The following MYRF variants were observed in gnomAD, a reference collection of about 807,000 sequenced individuals.
The protein encoded by MYRF is myelin regulatory factor, also known as myelin gene regulatory factor.
A neutral mutation model predicts 126.3 loss-of-function variants in MYRF; 16 were observed. The ratio of observed to expected loss-of-function variants is 0.13; its 90% CI spans 0.09 to 0.19. The LOEUF (loss-of-function observed/expected upper bound fraction) is 0.19. MYRF is among the 10% of genes least tolerant of loss of function. The probability of loss-of-function intolerance (pLI) is 1.00; values close to 1 mark genes in which losing one functional copy is unlikely to be tolerated. For missense variants in MYRF, 1,104 were observed against 1,547.0 expected, an observed-to-expected ratio of 0.71 and a Z score of 4.80; for synonymous variants, 608 against 635.3, an observed-to-expected ratio of 0.96 and a Z score of 0.65.
intron 1 of MYRF, among the ~76,000 whole-genome samples, chr11:61,760,264 G>T (rs2065864961): frequency 6.6e-6 from 1 of 152,158 alleles, no homozygotes; most frequent in African/African-American, 2.4e-5. Flanking sequence ...ACCGCGCCTG[G>T]CCATAGATCA....
intron 1 of MYRF, among the ~76,000 whole-genome samples, chr11:61,763,040 G>A (rs2065943454): frequency 6.6e-6 from 1 of 152,156 alleles, no homozygotes; most frequent in Non-Finnish European, 1.5e-5. Context: ...GAGAGGAGGG[G>A]GCTGGGTCTG....
chr11:61,754,148 C>T (rs1488885478), intron 1 of MYRF: 2 of 152,374 alleles, frequency 1.3e-5, no homozygotes, highest in East Asian at 1.9e-4. Flanking sequence ...GCAGGTCTTC[C>T]GGTGCCTCAG....
intron 1 of MYRF, 71 bp from the exon 2 acceptor site, chr11:61,765,554 G>T: frequency 7.8e-7 from 1 of 1,279,864 alleles, no homozygotes; most frequent in Middle Eastern, 2.5e-4. Flanking sequence ...AGGGATGGAG[G>T]GCTGGGCCCT....
chr11:61,762,289 G>A (rs1038441194), intron 1 of MYRF, among the ~76,000 whole-genome samples: 5 of 152,278 alleles, frequency 3.3e-5, no homozygotes, highest in Middle Eastern at 3.4e-3. Context: ...AGAGGGCTCC[G>A]GGTGTCTCCC....
chr11:61,779,636 C>G, intron 16 of MYRF, 66 bp downstream of exon 16: 1 of 1,401,488 alleles, frequency 7.1e-7, no homozygotes, highest in South Asian at 1.5e-5. Flanking sequence ...CCCTTTCTGG[C>G]TTGCAGTTCT....
chr11:61,754,131 G>C (rs1244398575), intron 1 of MYRF: 1 of 152,430 alleles, frequency 6.6e-6, no homozygotes, highest in Admixed American at 6.5e-5. Context: ...TCCTGTGGAG[G>C]AGAGAAGCAG....
intron 1 of MYRF, among the ~76,000 whole-genome samples, chr11:61,760,760 G>T (rs1485486724): frequency 6.6e-6 from 1 of 152,186 alleles, no homozygotes; most frequent in Non-Finnish European, 1.5e-5. Context: ...TGCTCCATCT[G>T]ATGGAGAAGG....
intron 18 of MYRF, 63 bp from the exon 19 acceptor site, chr11:61,780,645 TCTGA>T (rs960737733): frequency 1.9e-5 from 28 of 1,482,662 alleles, no homozygotes; most frequent in Non-Finnish European, 2.5e-5. Context: ...TGGGGCCACC[TCTGA>T]CTGTGTCTTC....
At chr11:61,759,964 G>C (rs2135706001) in intron 1 of MYRF, among the ~76,000 whole-genome samples, 1 of 152,074 alleles carries the variant, frequency 6.6e-6, no homozygotes, top group South Asian at 2.1e-4. Flanking sequence ...AGGGCAGCTA[G>C]CAGTTATAGA....
At chr11:61,779,220 C>A in intron 14 of MYRF, 43 bp from the exon 15 acceptor site, 1 of 1,517,024 alleles carries the variant, frequency 6.6e-7, no homozygotes, top group Non-Finnish European at 8.8e-7. Flanking sequence ...CTGACTGGGC[C>A]CTCTGTGTTG....
chr11:61,780,514 C>A (rs2135866925), intron 18 of MYRF, among the ~76,000 whole-genome samples, 198 bp from the exon 19 acceptor site: 1 of 152,264 alleles, frequency 6.6e-6, no homozygotes, highest in African/African-American at 2.4e-5. Flanking sequence ...TAGTGCCCCT[C>A]CAGGTAGCTG....
At chr11:61,773,678 G>C (rs745483536) in intron 7 of MYRF, among the ~76,000 whole-genome samples, 40 of 152,298 alleles carry the variant, frequency 2.6e-4, no homozygotes, top group Non-Finnish European at 2.6e-4. Context: ...GTTCCCTCCA[G>C]TCTGGTGGGC....
At position 61,757,284 on chromosome 11, in the gene MYRF, G is replaced by A. The variant is rs1364212516; in HGVS notation, c.46+4494G>A. 4.4e-6 allele frequency: 2 copies of A among 456,598 alleles called. No homozygotes were observed. Among genetic ancestry groups the A allele is most frequent in the Non-Finnish European group, 4.4e-6 (1 of 226,924 alleles). 28.3% of individuals were successfully genotyped at this position (456,598 alleles called of 1,614,324 possible). ...TGCATTCGCCAGCGAGGGCAGCTGG[G>A]GTCTGTTCCTAGCTCTCCTGCTTAC... On this transcript the variant is annotated intron_variant, in intron 1 of 26. Coordinates refer to ENST00000278836, the MANE Select transcript of MYRF (RefSeq NM_001127392.3). This position sits in a 1 kb window ranked among gnomAD's most constrained non-coding sequence, Gnocchi z 4.7.
intron 1 of MYRF, among the ~76,000 whole-genome samples, chr11:61,763,893 TC>T (rs1366351026): frequency 6.6e-6 from 1 of 151,708 alleles, no homozygotes; most frequent in African/African-American, 2.4e-5. Flanking sequence ...GTAAAGAAAC[TC>T]CTGTGATTAT....
Position 61,780,684 on chromosome 11 carries a change from C to T in MYRF, c.2406-28C>T, listed in dbSNP as rs576938210. ...CTCTTCTCTTCCCCTTTGCCTGTCT[C>T]ACCCTTTGCCTTTTTGCTGCCCCTT... On this transcript the variant is annotated intron_variant, in intron 18 of 26. Coordinates refer to ENST00000278836, the MANE Select transcript of MYRF (RefSeq NM_001127392.3). 300 of 1,547,110 alleles carry T rather than the reference C, an allele frequency of 1.9e-4. 2 individuals are homozygous for T. The African/African-American group carries it at 3.7e-3, about 19-fold the overall frequency.
chr11:61,770,676 T>C (rs2066194043), intron 5 of MYRF, 151 bp downstream of exon 5: 1 of 699,034 alleles, frequency 1.4e-6, no homozygotes, highest in Admixed American at 3.0e-5. Context: ...GGGTAACATA[T>C]TTATACATGT....
intron 21 of MYRF, 45 bp downstream of exon 21, chr11:61,781,374 G>T (rs758338022): frequency 2.5e-6 from 4 of 1,603,280 alleles, no homozygotes; most frequent in East Asian, 2.2e-5. Context: ...GGCTACCTGC[G>T]TAGAGAGAAA....
At chr11:61,785,649 A>G in intron 25 of MYRF, 151 bp from the exon 26 acceptor site, 1 of 662,126 alleles carries the variant, frequency 1.5e-6, no homozygotes, top group South Asian at 1.8e-5. Flanking sequence ...CTGCCAAAGC[A>G]GAACATGCTC....
intron 1 of MYRF, among the ~76,000 whole-genome samples, chr11:61,753,427 A>G (rs774225945): frequency 1.5e-4 from 23 of 151,798 alleles, no homozygotes; most frequent in Non-Finnish European, 3.1e-4. Context: ...CTGCCTAGTG[A>G]CTGCTCTCCT....
Sources: allele counts gnomAD v4.1 joint callset (sites outside exome capture counted in the v4.1 genomes callset), GRCh38; gene constraint gnomAD v4.1.1; non-coding constraint Gnocchi (gnomAD v3.1); transcripts MANE v1.5; gene names NCBI Gene and HGNC (gene_info 2026-07-23, HGNC 2026-07-21).